Variants in GSE1 observed in about 807,000 individuals in gnomAD.
GSE1 encodes the protein genetic suppressor element 1.
In GSE1, 32 loss-of-function variants were observed where a neutral mutation model predicts 112.6. The ratio of observed to expected loss-of-function variants is 0.28; its 90% CI spans 0.21 to 0.38. The LOEUF (loss-of-function observed/expected upper bound fraction) is 0.38, where lower values mean the gene tolerates loss of function less well. GSE1 is among the 10% of genes least tolerant of loss of function. The pLI, the probability that GSE1 is intolerant of heterozygous loss-of-function variation, is 1.00. For synonymous variants in GSE1, 1,115 were observed against 735.6 expected, an observed-to-expected ratio of 1.52 and a Z score of -8.35; for missense variants, 2,348 against 1,699.2, an observed-to-expected ratio of 1.38 and a Z score of -6.71.
intron 1 of GSE1, among the ~76,000 whole-genome samples, chr16:85,238,420 G>A (rs568284812): frequency 6.6e-6 from 1 of 152,222 alleles, no homozygotes; most frequent in East Asian, 1.9e-4. Flanking sequence ...GTAGCCTGGT[G>A]GGGGCTGGTG....
At chr16:85,326,549 C>T (rs1205440834) in intron 1 of GSE1, among the ~76,000 whole-genome samples, 3 of 152,254 alleles carry the variant, frequency 2.0e-5, no homozygotes, top group African/African-American at 7.2e-5. Context: ...CCTCTGCTTG[C>T]ACTCACTGTC....
rs538534725 is a variant in GSE1 at position 85,546,415 on chromosome 16, C to T, written c.2465-87499C>T. Reference sequence around the variant, plus strand: ...TGTTAGTTAAACTCACACAAGCCCCCGTAACAAAGAGGCTCAACCTCTCAG... The same window carrying T: ...TGTTAGTTAAACTCACACAAGCCCCTGTAACAAAGAGGCTCAACCTCTCAG... On this transcript the variant is annotated intron_variant, in intron 2 of 2. Coordinates refer to the GSE1 transcript ENST00000637419. 5.9e-5 allele frequency among the ~76,000 whole-genome samples: 9 copies of T among 152,208 alleles called. 1 individual carries two copies. The highest frequency in any genetic ancestry group is 1.4e-4 in the African/African-American group (6 of 41,536).
intron 12 of GSE1, among the ~76,000 whole-genome samples, chr16:85,665,659 C>G (rs140601559): frequency 6.6e-6 from 1 of 152,232 alleles, no homozygotes. Flanking sequence ...CGTCCCAGTC[C>G]TCGGCCCCTC....
chr16:85,380,917 TG>T (rs2047533003), intron 2 of GSE1, among the ~76,000 whole-genome samples: 1 of 152,232 alleles, frequency 6.6e-6, no homozygotes. Context: ...GTAAAGTCTT[TG>T]CAATGCGTGT....
rs559760490 is a variant in GSE1 at position 85,649,161 on chromosome 16, A to C, written c.426+410A>C. Among the ~76,000 whole-genome samples, 188 of 152,206 alleles carry C rather than the reference A, an allele frequency of 1.2e-3. 3 individuals carry two copies. The Middle Eastern group carries it at 0.017, about 14-fold the overall frequency. ...GATCTCCTCTTCTCATAAGGACACC[A>C]GTCAGCTGGTTTAGCGCCCACCCTA... On this transcript the variant is annotated intron_variant, in intron 3 of 15. Transcript: ENST00000253458.
chr16:85,615,289 G>A (rs942183070), intron 1 of GSE1, among the ~76,000 whole-genome samples: 1 of 152,204 alleles, frequency 6.6e-6, no homozygotes, highest in Non-Finnish European at 1.5e-5. Context: ...GAGTCGCCCC[G>A]CCCAGGTAGA....
At chr16:85,173,058 A>T (rs1037852239) in intron 1 of GSE1, among the ~76,000 whole-genome samples, 2 of 152,194 alleles carry the variant, frequency 1.3e-5, no homozygotes, top group Non-Finnish European at 2.9e-5. Flanking sequence ...GTCTCCCGTC[A>T]CAGATGCTGA....
intron 1 of GSE1, among the ~76,000 whole-genome samples, chr16:85,243,337 T>C (rs1393885780): frequency 6.6e-6 from 1 of 152,200 alleles, no homozygotes; most frequent in Non-Finnish European, 1.5e-5. Context: ...GGAGAATCTC[T>C]TTGCTTCTAA....
At chr16:85,462,029 G>A (rs1365424763) in intron 2 of GSE1, among the ~76,000 whole-genome samples, 1 of 152,224 alleles carries the variant, frequency 6.6e-6, no homozygotes, top group African/African-American at 2.4e-5. Context: ...GGAAAGGAGA[G>A]GCCAGCAGGC....
In GSE1 at chr16:85,408,752, C is replaced by A. The variant is rs1286205485; in HGVS notation, c.2464+51109C>A. Among the ~76,000 whole-genome samples, 35 of 64,962 alleles carry A rather than the reference C, an allele frequency of 5.4e-4. 9 individuals are homozygous for A. Among genetic ancestry groups the A allele is most frequent in the African/African-American group, 2.6e-3 (35 of 13,308 alleles). 42.6% of individuals were successfully genotyped at this position (64,962 alleles called of 152,430 possible). A position where few individuals can be genotyped will look rare whatever the true frequency, so the allele number is the denominator to read the frequency against. ...ATCCTCACTGTCACTCTCAGGCCCC[C>A]CTGGATAATCCTCACTGTTGCACTC... On this transcript the variant is annotated intron_variant, in intron 2 of 2. Transcript: ENST00000637419.
upstream of GSE1, among the ~76,000 whole-genome samples, chr16:85,608,001 C>T (rs12444241): frequency 5.9e-5 from 9 of 152,188 alleles, no homozygotes; most frequent in African/African-American, 1.2e-4. Context: ...TTCCTCCCCC[C>T]CATGATTTCA....
At chr16:85,308,819 A>G (rs2045750072) in intron 1 of GSE1, among the ~76,000 whole-genome samples, 1 of 150,380 alleles carries the variant, frequency 6.6e-6, no homozygotes. Flanking sequence ...CAGCCTTCTC[A>G]GATCCAATTT....
chr16:85,478,762 A>C (rs1029664921), intron 2 of GSE1, among the ~76,000 whole-genome samples: 2 of 144,004 alleles, frequency 1.4e-5, no homozygotes, highest in African/African-American at 2.6e-5. Flanking sequence ...CTGCCTCCCA[A>C]GTTCAAGTTA....
chr16:85,414,368 T>C (rs2048655764), intron 2 of GSE1, among the ~76,000 whole-genome samples: 1 of 152,248 alleles, frequency 6.6e-6, no homozygotes, highest in African/African-American at 2.4e-5. Flanking sequence ...ATTTCACATT[T>C]TATATCATGA....
At chr16:85,495,587 C>T (rs1180071785) in intron 2 of GSE1, among the ~76,000 whole-genome samples, 1 of 151,890 alleles carries the variant, frequency 6.6e-6, no homozygotes, top group African/African-American at 2.4e-5. Context: ...GCCTCTACCT[C>T]CAGGGTTCAA....
chr16:85,428,904 G>T (rs533459442), intron 2 of GSE1, among the ~76,000 whole-genome samples: 1 of 152,270 alleles, frequency 6.6e-6, no homozygotes, highest in Non-Finnish European at 1.5e-5. Context: ...GTCACTGGCC[G>T]GTGAGCTGTG....
chr16:85,194,861 G>A (rs1488576820), intron 1 of GSE1, among the ~76,000 whole-genome samples: 1 of 152,136 alleles, frequency 6.6e-6, no homozygotes, highest in Non-Finnish European at 1.5e-5. Context: ...AGGTGCCTAG[G>A]TCTGTGTATT....
intron 1 of GSE1, among the ~76,000 whole-genome samples, chr16:85,260,747 C>G (rs577252591): frequency 1.9e-4 from 29 of 152,238 alleles, no homozygotes; most frequent in African/African-American, 7.0e-4. Flanking sequence ...GTTCCCCTGC[C>G]CATGTGCCCA....
At chr16:85,666,974 C>T (rs1312112218) in intron 13 of GSE1, among the ~76,000 whole-genome samples, 1 of 152,214 alleles carries the variant, frequency 6.6e-6, no homozygotes, top group Non-Finnish European at 1.5e-5. Flanking sequence ...CAAGTGTAGG[C>T]ATTGTGTTAG....
Sources: gnomAD v4.1 joint callset for allele counts (sites outside exome capture counted in the v4.1 genomes callset) on GRCh38, gnomAD v4.1.1 for gene constraint, MANE v1.5 for transcripts, NCBI Gene and HGNC (gene_info 2026-07-23, HGNC 2026-07-21) for gene names.